Variants in LYPLAL1 observed in about 807,000 individuals in gnomAD.
LYPLAL1 encodes the protein lysophospholipase like 1, also known as lysophospholipase-like protein 1.
A neutral mutation model predicts 19.7 loss-of-function variants in LYPLAL1; 23 were observed. That is an observed-to-expected ratio of 1.17 (90% CI 0.84 to 1.65). The LOEUF is 1.65. Ranked by LOEUF, LYPLAL1 falls within the 40% of genes most tolerant of loss-of-function variation. The probability of loss-of-function intolerance (pLI) is 0.00; values close to 1 mark genes in which losing one functional copy is unlikely to be tolerated. For synonymous variants in LYPLAL1, 119 were observed against 96.3 expected (o/e 1.24, Z -1.38); for missense variants, 355 against 279.4 (o/e 1.27, Z -1.93).
chr1:219,179,225 T>C lies in LYPLAL1; in HGVS notation c.170T>C (p.Ile57Thr). Residue 57 changes from isoleucine (I) to threonine (T), a missense_variant, in exon 2 of 5, where the codon ATT becomes ACT. Ile to Thr is a moderately conservative substitution (Grantham distance 89, BLOSUM62 -1). Transcript: ENST00000366928. ...QDLTFQHIKIIYPTAPPRSYT... is the reference protein window; with the variant it reads ...QDLTFQHIKITYPTAPPRSYT... Reference sequence around the variant, plus strand: ...TTAACATTCCAACACATAAAAATTATTTATCCAACAGCTCCTCCCAGGTAT... The same window carrying C: ...TTAACATTCCAACACATAAAAATTACTTATCCAACAGCTCCTCCCAGGTAT... 1 of 1,611,258 alleles carries C rather than the reference T, an allele frequency of 6.2e-7. No individual in the cohort carries two copies. The highest frequency in any genetic ancestry group is 2.2e-5 in the East Asian group (1 of 44,710).
At chr1:219,193,815 T>C (rs942696142) in intron 3 of LYPLAL1, among the ~76,000 whole-genome samples, 1 of 151,842 alleles carries the variant, frequency 6.6e-6, no homozygotes, top group African/African-American at 2.4e-5. Flanking sequence ...AAAATCTTTT[T>C]CTAATACATG....
At chr1:219,264,545 G>GA in the LYPLAL1 span, among the ~76,000 whole-genome samples, 1 of 152,164 alleles carries the variant, frequency 6.6e-6, no homozygotes, top group African/African-American at 2.4e-5. Context: ...AATCTAGGCT[G>GA]ACTTTATGGT....
the LYPLAL1 span, among the ~76,000 whole-genome samples, chr1:219,443,933 T>C: frequency 3.3e-5 from 5 of 152,118 alleles, no homozygotes. Context: ...CACTCATACA[T>C]AGCAACACTC....
the LYPLAL1 span, among the ~76,000 whole-genome samples, chr1:219,304,036 A>G: frequency 1.4e-4 from 21 of 152,226 alleles, no homozygotes; most frequent in Non-Finnish European, 1.5e-5. Context: ...ATAAATATTT[A>G]CAATGATTTA....
the LYPLAL1 span, among the ~76,000 whole-genome samples, chr1:219,302,923 T>A: frequency 6.6e-6 from 1 of 152,174 alleles, no homozygotes; most frequent in Non-Finnish European, 1.5e-5. Context: ...ATCTTTGAGA[T>A]CTTTCTTGAT....
chr1:219,445,006 G>A, the LYPLAL1 span, among the ~76,000 whole-genome samples: 31 of 150,854 alleles, frequency 2.1e-4, no homozygotes, highest in African/African-American at 6.1e-4. Flanking sequence ...TGTGCTTCTT[G>A]TACAAATCAC....
the LYPLAL1 span, chr1:219,435,521 T>C: frequency 6.6e-6 from 1 of 152,084 alleles, no homozygotes; most frequent in South Asian, 2.1e-4. Flanking sequence ...CTTCCTAATG[T>C]TAATAATAGT....
the LYPLAL1 span, among the ~76,000 whole-genome samples, chr1:219,376,253 C>T: frequency 1.4e-4 from 1 of 6,988 alleles, no homozygotes; most frequent in African/African-American, 3.6e-4. Context: ...GTTTCTTCAA[C>T]AAATGGTGTT....
chr1:219,414,526 T>C, the LYPLAL1 span, among the ~76,000 whole-genome samples: 1 of 152,228 alleles, frequency 6.6e-6, no homozygotes, highest in African/African-American at 2.4e-5. Context: ...ATGGTATTCA[T>C]TTTAAAAGAA....
the LYPLAL1 span, among the ~76,000 whole-genome samples, chr1:219,362,400 A>T: frequency 6.6e-6 from 1 of 152,186 alleles, no homozygotes; most frequent in East Asian, 1.9e-4. Context: ...TAACCCATGG[A>T]AAGAACTTAT....
At chr1:219,178,757 A>T (rs1233287654) in intron 1 of LYPLAL1, among the ~76,000 whole-genome samples, 2 of 152,168 alleles carry the variant, frequency 1.3e-5, no homozygotes, top group African/African-American at 4.8e-5. Context: ...CACTTTAGGA[A>T]TTTATTACTA....
At chr1:219,252,234 A>G in the LYPLAL1 span, among the ~76,000 whole-genome samples, 1 of 151,980 alleles carries the variant, frequency 6.6e-6, no homozygotes, top group Admixed American at 6.6e-5. Flanking sequence ...CTGCAGAGAT[A>G]GTTTGACTTC....
At chr1:219,381,020 G>T in the LYPLAL1 span, among the ~76,000 whole-genome samples, 1 of 152,136 alleles carries the variant, frequency 6.6e-6, no homozygotes, top group Non-Finnish European at 1.5e-5. Flanking sequence ...AGAAGATGAA[G>T]ACATGAGAAC....
chr1:219,343,026 G>A, the LYPLAL1 span, among the ~76,000 whole-genome samples: 1 of 152,186 alleles, frequency 6.6e-6, no homozygotes, highest in Non-Finnish European at 1.5e-5. Flanking sequence ...AATAGGTGGG[G>A]CTCTGTATCT....
At chr1:219,259,635 C>CG in the LYPLAL1 span, among the ~76,000 whole-genome samples, 1 of 151,040 alleles carries the variant, frequency 6.6e-6, no homozygotes, top group African/African-American at 2.4e-5. Context: ...TTTGGAGACA[C>CG]GGGGGGAAGG....
chr1:219,306,811 T>G, the LYPLAL1 span, among the ~76,000 whole-genome samples: 6 of 132,568 alleles, frequency 4.5e-5, no homozygotes, highest in African/African-American at 8.9e-5. Context: ...CATAGATAGA[T>G]ATAGATAGAT....
At chr1:219,339,871 A>G in the LYPLAL1 span, among the ~76,000 whole-genome samples, 1 of 152,172 alleles carries the variant, frequency 6.6e-6, no homozygotes, top group Non-Finnish European at 1.5e-5. Flanking sequence ...GAGAGACTTG[A>G]CTAACCAAAA....
intron 3 of LYPLAL1, among the ~76,000 whole-genome samples, chr1:219,196,077 CATTGAT>C (rs1447548813): frequency 6.6e-6 from 1 of 152,086 alleles, no homozygotes; most frequent in Non-Finnish European, 1.5e-5. Context: ...CCCAGTCTGT[CATTGAT>C]GGGCGTTTGG....
chr1:219,344,400 G>A, the LYPLAL1 span, among the ~76,000 whole-genome samples: 1 of 152,042 alleles, frequency 6.6e-6, no homozygotes, highest in Non-Finnish European at 1.5e-5. Flanking sequence ...TGTCTCTCCT[G>A]TACTTACTGT....
Sources: allele counts gnomAD v4.1 joint callset (sites outside exome capture counted in the v4.1 genomes callset), GRCh38; gene constraint gnomAD v4.1.1; transcripts MANE v1.5; gene names NCBI Gene and HGNC (gene_info 2026-07-23, HGNC 2026-07-21).